SPMIP7: variants seen among roughly 807,000 people sequenced by gnomAD.
SPMIP7 encodes the protein sperm microtubule inner protein 7.
chr7:50,100,204 A>G, the SPMIP7 span, among the ~76,000 whole-genome samples: 1 of 152,182 alleles, frequency 6.6e-6, no homozygotes. Flanking sequence ...GGTGCTAAAC[A>G]TGGGAACCAA....
At chr7:50,148,803 G>A in the SPMIP7 span, among the ~76,000 whole-genome samples, 21 of 152,188 alleles carry the variant, frequency 1.4e-4, no homozygotes, top group Non-Finnish European at 2.1e-4. Flanking sequence ...CATCTGGAGA[G>A]CTGTCAAAAG....
At chr7:50,101,212 A>G in the SPMIP7 span, among the ~76,000 whole-genome samples, 2 of 152,228 alleles carry the variant, frequency 1.3e-5, no homozygotes, top group Non-Finnish European at 2.9e-5. Flanking sequence ...AGCATCATGC[A>G]AATGGAGACT....
the SPMIP7 span, among the ~76,000 whole-genome samples, chr7:50,120,972 T>G: frequency 6.6e-6 from 1 of 152,204 alleles, no homozygotes; most frequent in African/African-American, 2.4e-5. Flanking sequence ...TTGCATAGTG[T>G]ACTTCACTTT....
At chr7:50,147,433 A>G in the SPMIP7 span, among the ~76,000 whole-genome samples, 2 of 152,254 alleles carry the variant, frequency 1.3e-5, no homozygotes, top group African/African-American at 2.4e-5. Flanking sequence ...TAAAATGGAC[A>G]TGATCATAGG....
At chr7:50,132,536 T>C in the SPMIP7 span, among the ~76,000 whole-genome samples, 4 of 152,152 alleles carry the variant, frequency 2.6e-5, no homozygotes, top group Admixed American at 2.6e-4. Context: ...GTTTATTACC[T>C]TCATGGAAAA....
the SPMIP7 span, among the ~76,000 whole-genome samples, chr7:50,103,423 G>A: frequency 1.3e-5 from 2 of 152,026 alleles, no homozygotes; most frequent in Non-Finnish European, 2.9e-5. Context: ...ACCCTTCAAC[G>A]GCAATCCATC....
the SPMIP7 span, among the ~76,000 whole-genome samples, chr7:50,127,571 C>G: frequency 1.4e-5 from 2 of 146,944 alleles, no homozygotes; most frequent in African/African-American, 5.0e-5. Context: ...ATATGTATGT[C>G]TTATTTTTAT....
chr7:50,099,898 A>C, the SPMIP7 span, among the ~76,000 whole-genome samples: 1,435 of 152,176 alleles, frequency 9.4e-3, 22 homozygotes, highest in African/African-American at 0.033. Context: ...GGGTTAAACT[A>C]TGTTGGATTC....
chr7:50,127,867 A>T, the SPMIP7 span, among the ~76,000 whole-genome samples: 1 of 151,962 alleles, frequency 6.6e-6, no homozygotes, highest in Admixed American at 6.6e-5. Flanking sequence ...TGTTGGTAGA[A>T]ATGTAAATTA....
the SPMIP7 span, among the ~76,000 whole-genome samples, chr7:50,150,705 C>T: frequency 6.6e-6 from 1 of 152,204 alleles, no homozygotes; most frequent in African/African-American, 2.4e-5. Flanking sequence ...CACATTCCTT[C>T]CTCTGAACTA....
At chr7:50,156,626 C>T in the SPMIP7 span, among the ~76,000 whole-genome samples, 3 of 151,482 alleles carry the variant, frequency 2.0e-5, no homozygotes, top group Non-Finnish European at 4.4e-5. Context: ...GCTAGTGTCC[C>T]CTCCTCCTCT....
At chr7:50,132,119 A>G in the SPMIP7 span, among the ~76,000 whole-genome samples, 113 of 152,264 alleles carry the variant, frequency 7.4e-4, no homozygotes, top group South Asian at 1.9e-3. Context: ...TGGATCTCAA[A>G]GTATTAGAAC....
the SPMIP7 span, among the ~76,000 whole-genome samples, chr7:50,145,865 C>T: frequency 6.6e-6 from 1 of 151,234 alleles, no homozygotes; most frequent in Non-Finnish European, 1.5e-5. Flanking sequence ...TATGAGGTAC[C>T]ATCCTCCACT....
At chr7:50,147,090 C>A in the SPMIP7 span, among the ~76,000 whole-genome samples, 151 of 152,324 alleles carry the variant, frequency 9.9e-4, no homozygotes, top group African/African-American at 3.5e-3. Flanking sequence ...CACTTGGGAT[C>A]TTTAAACATT....
At chr7:50,130,692 T>G in the SPMIP7 span, among the ~76,000 whole-genome samples, 3 of 151,926 alleles carry the variant, frequency 2.0e-5, 1 homozygote, top group Non-Finnish European at 4.4e-5. Flanking sequence ...GGTAGCAGGC[T>G]TCAGTAATAA....
the SPMIP7 span, among the ~76,000 whole-genome samples, chr7:50,130,508 A>C: frequency 3.2e-3 from 488 of 152,280 alleles, 1 homozygote; most frequent in African/African-American, 0.011. Flanking sequence ...GGTAAGGATT[A>C]TTACAATTCA....
chr7:50,142,644 G>C, the SPMIP7 span: 4 of 152,114 alleles, frequency 2.6e-5, no homozygotes, highest in African/African-American at 9.7e-5. Context: ...GAAAGATATA[G>C]TGTCACATAT....
At chr7:50,152,145 C>T in the SPMIP7 span, among the ~76,000 whole-genome samples, 2 of 152,018 alleles carry the variant, frequency 1.3e-5, no homozygotes, top group African/African-American at 4.8e-5. Flanking sequence ...GTCAGGAGTT[C>T]GAGACTAGCC....
At chr7:50,138,238 A>G in the SPMIP7 span, among the ~76,000 whole-genome samples, 83 of 152,220 alleles carry the variant, frequency 5.5e-4, no homozygotes, top group African/African-American at 2.0e-3. Context: ...GTTTAATGAC[A>G]GGATCTTACT....
Sources: allele counts gnomAD v4.1 joint callset (sites outside exome capture counted in the v4.1 genomes callset), GRCh38; gene constraint gnomAD v4.1.1; transcripts MANE v1.5; gene names NCBI Gene and HGNC (gene_info 2026-07-23, HGNC 2026-07-21).